BMPR1B: variants seen among roughly 807,000 people sequenced by gnomAD.
BMPR1B encodes bone morphogenetic protein receptor type 1B.
In BMPR1B, 12 loss-of-function variants were observed where a neutral mutation model predicts 59.1. The observed-to-expected ratio is 0.20, with a 90% confidence interval of 0.13 to 0.33. The LOEUF (loss-of-function observed/expected upper bound fraction) is 0.33, where lower values mean the gene tolerates loss of function less well. Ranked by LOEUF, BMPR1B falls within the 10% of genes least tolerant of loss-of-function variation. The pLI is 1.00. For missense variants in BMPR1B, 550 were observed against 610.9 expected, an observed-to-expected ratio of 0.90 and a Z score of 1.05; for synonymous variants, 237 against 207.3, an observed-to-expected ratio of 1.14 and a Z score of -1.23.
intron 3 of BMPR1B, among the ~76,000 whole-genome samples, chr4:95,075,369 T>C (rs1178834627): frequency 6.6e-6 from 1 of 152,138 alleles, no homozygotes; most frequent in Non-Finnish European, 1.5e-5. Flanking sequence ...ATAGTGAATC[T>C]ATTGTTGGTC....
At chr4:94,881,607 A>G (rs900272198) in intron 2 of BMPR1B, among the ~76,000 whole-genome samples, 1 of 152,050 alleles carries the variant, frequency 6.6e-6, no homozygotes, top group Non-Finnish European at 1.5e-5. Flanking sequence ...CTGGGAGTAC[A>G]GGTGTGCACC....
chr4:95,154,838 CAG>C lies in BMPR1B; in HGVS notation c.*169_*170del, dbSNP rs1173042027. The C allele has an allele frequency of 9.0e-6, 8 of 889,264 alleles. No homozygotes were observed. The East Asian group carries it at 2.1e-4, about 24-fold the overall frequency. The allele number at this position is 889,264 out of a possible 1,614,324, so 55.1% of individuals were successfully genotyped here. On this transcript the variant is annotated 3_prime_UTR_variant, in exon 13 of 13. Coordinates refer to ENST00000515059, the MANE Select transcript of BMPR1B (RefSeq NM_001203.3). The stretch of plus-strand genomic sequence containing the variant: ...TCTCAGGGAGCGACCTGGGCAAAGA[CAG>C]AGAAGCTCCCAGAAGGAGAGATTGA...
At chr4:94,961,577 T>G (rs58956931) in intron 2 of BMPR1B, among the ~76,000 whole-genome samples, 6,498 of 152,262 alleles carry the variant, frequency 0.043, 347 homozygotes, top group African/African-American at 0.12. Context: ...GAAATTCCAT[T>G]ATTTATCTAT....
chr4:94,827,879 T>C (rs1453888541), intron 1 of BMPR1B, among the ~76,000 whole-genome samples: 1 of 152,226 alleles, frequency 6.6e-6, no homozygotes, highest in African/African-American at 2.4e-5. Flanking sequence ...ATGACTGGAA[T>C]GTGAGTCAAA....
intron 2 of BMPR1B, among the ~76,000 whole-genome samples, chr4:94,915,561 A>ACTT (rs1728452048): frequency 6.6e-6 from 1 of 152,210 alleles, no homozygotes; most frequent in African/African-American, 2.4e-5. Flanking sequence ...CTTTTCTGTA[A>ACTT]TAATACTTCC....
At chr4:94,916,190 A>T (rs1368545104) in intron 2 of BMPR1B, among the ~76,000 whole-genome samples, 1 of 152,178 alleles carries the variant, frequency 6.6e-6, no homozygotes, top group Non-Finnish European at 1.5e-5. Context: ...TGTACTGAGG[A>T]GTTAGGCATT....
At chr4:94,829,454 AG>A (rs1233148090) in intron 1 of BMPR1B, among the ~76,000 whole-genome samples, 1 of 151,590 alleles carries the variant, frequency 6.6e-6, no homozygotes, top group African/African-American at 2.4e-5. Context: ...TTGTAGAAAC[AG>A]GGTTTTGCTA....
chr4:94,789,952 C>T (rs930745998), intron 1 of BMPR1B, among the ~76,000 whole-genome samples: 3 of 152,110 alleles, frequency 2.0e-5, no homozygotes, highest in African/African-American at 7.2e-5. Flanking sequence ...AACATGAAGA[C>T]GATGAGGATG....
At chr4:94,910,212 C>T (rs963169610) in intron 2 of BMPR1B, among the ~76,000 whole-genome samples, 2 of 152,118 alleles carry the variant, frequency 1.3e-5, no homozygotes, top group South Asian at 2.1e-4. Flanking sequence ...AGATTTATTG[C>T]AACTAAGGGG....
intron 3 of BMPR1B, among the ~76,000 whole-genome samples, chr4:95,052,828 T>A (rs532394590): frequency 1.3e-5 from 2 of 152,348 alleles, no homozygotes; most frequent in African/African-American, 4.8e-5. Flanking sequence ...GATAGGTATT[T>A]CATCAACCTA....
intron 3 of BMPR1B, among the ~76,000 whole-genome samples, chr4:95,036,949 A>T (rs867403157): frequency 3.3e-5 from 5 of 152,046 alleles, no homozygotes; most frequent in Non-Finnish European, 7.4e-5. Context: ...CTGCCACTAA[A>T]ACTGGTGCTG....
chr4:95,060,563 G>A (rs965526092), intron 3 of BMPR1B, among the ~76,000 whole-genome samples: 2 of 152,160 alleles, frequency 1.3e-5, no homozygotes, highest in African/African-American at 4.8e-5. Context: ...TGAAGTAGGA[G>A]TCCCAAATTT....
intron 3 of BMPR1B, among the ~76,000 whole-genome samples, chr4:95,068,153 A>G (rs940783837): frequency 2.0e-5 from 3 of 152,178 alleles, no homozygotes; most frequent in Non-Finnish European, 4.4e-5. Flanking sequence ...GACACAGGCT[A>G]GGAACCACAT....
At chr4:95,108,122 A>G (rs1414188309) in intron 4 of BMPR1B, among the ~76,000 whole-genome samples, 3 of 152,140 alleles carry the variant, frequency 2.0e-5, no homozygotes, top group Non-Finnish European at 4.4e-5. Flanking sequence ...TACAAAATAC[A>G]TGCTCCATTT....
chr4:95,152,749 C>T lies in BMPR1B; in HGVS notation c.1359C>T (p.Phe453=). ...GCATCAAGAAGTTACGCCCCTCATT[C>T]CCAAACCGGTGGAGCAGTGATGAGG... ...IVCIKKLRPS[F]PNRWSSDECL... is the part of the protein sequence containing the mutation. The change falls in exon 12 of 13, where the codon TTC becomes TTT. Residue 453 remains phenylalanine, a synonymous_variant. Coordinates refer to ENST00000515059, the MANE Select transcript of BMPR1B (RefSeq NM_001203.3). The T allele has an allele frequency of 6.2e-7, 1 of 1,611,550 alleles. No individual in the cohort carries two copies. The highest frequency in any genetic ancestry group is 1.3e-5 in the African/African-American group (1 of 75,004).
intron 3 of BMPR1B, among the ~76,000 whole-genome samples, chr4:95,008,508 C>T (rs918860062): frequency 4.6e-5 from 7 of 152,094 alleles, no homozygotes; most frequent in Admixed American, 2.0e-4. Context: ...CACCTCATTC[C>T]GTAAGCAGAA....
intron 3 of BMPR1B, among the ~76,000 whole-genome samples, chr4:95,088,517 G>A (rs1729756415): frequency 6.6e-6 from 1 of 152,116 alleles, no homozygotes; most frequent in Non-Finnish European, 1.5e-5. Context: ...AATGATCCTA[G>A]AGGGATTTGT....
chr4:94,867,266 C>A (rs907452788), intron 1 of BMPR1B, among the ~76,000 whole-genome samples: 2 of 152,194 alleles, frequency 1.3e-5, no homozygotes, highest in South Asian at 2.1e-4. Flanking sequence ...AAGTCTTGAC[C>A]CTTATTAAAA....
At chr4:95,095,339 A>G (rs887483062) in intron 3 of BMPR1B, among the ~76,000 whole-genome samples, 3 of 152,084 alleles carry the variant, frequency 2.0e-5, no homozygotes, top group African/African-American at 7.2e-5. Context: ...TGAGTATTTA[A>G]ACTAGTTTTG....
Sources: gnomAD v4.1 joint callset for allele counts (sites outside exome capture counted in the v4.1 genomes callset) on GRCh38, gnomAD v4.1.1 for gene constraint, MANE v1.5 for transcripts, NCBI Gene and HGNC (gene_info 2026-07-23, HGNC 2026-07-21) for gene names.